The following DLG2 variants were observed in gnomAD, a reference collection of about 807,000 sequenced individuals.
DLG2 encodes the protein disks large homolog 2.
In DLG2, 45 loss-of-function variants were observed where a neutral mutation model predicts 132.5. The ratio of observed to expected loss-of-function variants is 0.34; its 90% confidence interval spans 0.27 to 0.44. The LOEUF (loss-of-function observed/expected upper bound fraction) is 0.44, where lower values mean the gene tolerates loss of function less well. Among genes scored for constraint, DLG2 ranks in the 20% least tolerant of loss-of-function variants. The pLI, the probability that DLG2 is intolerant of heterozygous loss-of-function variation, is 1.00. For missense variants in DLG2, 1,045 were observed against 1,196.9 expected (o/e 0.87, Z 1.87); for synonymous variants, 424 against 419.6 (o/e 1.01, Z -0.13).
intron 7 of DLG2, among the ~76,000 whole-genome samples, chr11:84,461,469 A>T (rs1418075850): frequency 6.6e-6 from 1 of 151,058 alleles, no homozygotes; most frequent in African/African-American, 2.4e-5. Flanking sequence ...TCTTTTTAAA[A>T]ATTTATTTTA....
chr11:83,489,566 T>G (rs2093722917), intron 21 of DLG2, among the ~76,000 whole-genome samples: 1 of 151,988 alleles, frequency 6.6e-6, no homozygotes, highest in South Asian at 2.1e-4. Context: ...TACTGGATAC[T>G]TGTTGATCCA....
At chr11:84,729,832 T>C (rs1002973993) in intron 6 of DLG2, among the ~76,000 whole-genome samples, 8 of 152,004 alleles carry the variant, frequency 5.3e-5, no homozygotes, top group Admixed American at 5.3e-4. Flanking sequence ...ATTGTGAAGA[T>C]CTTTGAGTCC....
chr11:83,843,779 T>G (rs1469981226), intron 16 of DLG2, among the ~76,000 whole-genome samples: 1 of 152,052 alleles, frequency 6.6e-6, no homozygotes, highest in East Asian at 1.9e-4. Context: ...GATAAGACAA[T>G]GAACTAAAGG....
chr11:83,826,309 C>G lies in DLG2; in HGVS notation c.1722+7305G>C, dbSNP rs1160560911. ...CAGCCTGGCTAGTGGGGCTCTGAAG[C>G]CAAGGCTGAGCAAGAGTGACTCCCC... On this transcript the variant is annotated intron_variant, in intron 17 of 27. Coordinates refer to ENST00000376104, the MANE Select transcript of DLG2 (RefSeq NM_001142699.3). Among the ~76,000 whole-genome samples, 5 of 152,166 alleles carry G rather than the reference C, an allele frequency of 3.3e-5. No homozygotes were observed. In the East Asian group the frequency reaches 9.6e-4, roughly 29 times the overall value.
chr11:84,109,977 T>C (rs2093243316), intron 9 of DLG2, among the ~76,000 whole-genome samples: 1 of 152,186 alleles, frequency 6.6e-6, no homozygotes, highest in African/African-American at 2.4e-5. Flanking sequence ...TCCATCCAGC[T>C]CCTCTCGACT....
At chr11:84,448,530 A>T (rs577143253) in intron 7 of DLG2, among the ~76,000 whole-genome samples, 1 of 152,004 alleles carries the variant, frequency 6.6e-6, no homozygotes, top group African/African-American at 2.4e-5. Flanking sequence ...ACCTTTGAAC[A>T]TGCTGTTTCT....
At chr11:84,840,002 A>C (rs1005301155) in intron 6 of DLG2, among the ~76,000 whole-genome samples, 36 of 152,322 alleles carry the variant, frequency 2.4e-4, no homozygotes, top group Admixed American at 4.6e-4. Context: ...GATCCAATTA[A>C]ACTAGAGAGC....
At chr11:84,275,700 G>A (rs1189560098) in intron 7 of DLG2, among the ~76,000 whole-genome samples, 1 of 152,166 alleles carries the variant, frequency 6.6e-6, no homozygotes, top group Non-Finnish European at 1.5e-5. Flanking sequence ...TACATCAGAT[G>A]TTGCCTCTAC....
intron 6 of DLG2, among the ~76,000 whole-genome samples, chr11:84,976,490 T>C (rs636745): frequency 0.16 from 24,084 of 152,084 alleles, 2,100 homozygotes; most frequent in East Asian, 0.28. Flanking sequence ...TGTGTATATA[T>C]AATTAGATAC....
intron 16 of DLG2, among the ~76,000 whole-genome samples, chr11:83,844,688 G>A (rs1378733006): frequency 6.6e-6 from 1 of 151,896 alleles, no homozygotes; most frequent in African/African-American, 2.4e-5. Flanking sequence ...CTGAGTCGTA[G>A]AAGAAAGATC....
intron 16 of DLG2, among the ~76,000 whole-genome samples, chr11:83,848,557 A>G (rs1595381599): frequency 6.6e-6 from 1 of 152,086 alleles, no homozygotes; most frequent in South Asian, 2.1e-4. Flanking sequence ...TCTACTGCTC[A>G]TCTAGTACTT....
At chr11:83,945,245 C>A (rs11233835) in intron 14 of DLG2, among the ~76,000 whole-genome samples, 11,620 of 152,220 alleles carry the variant, frequency 0.076, 604 homozygotes, top group Non-Finnish European at 0.12. Context: ...CATTGCGCTA[C>A]AGTCTGGGCA....
rs2060645659 is a variant in DLG2 at position 84,713,281 on chromosome 11, C to G, written c.358-178550G>C. 2.0e-5 allele frequency among the ~76,000 whole-genome samples: 3 copies of G among 152,188 alleles called. No homozygotes were observed. In the South Asian group the frequency reaches 6.2e-4, roughly 32 times the overall value. On this transcript the variant is annotated intron_variant, in intron 6 of 27. Coordinates refer to ENST00000376104, the MANE Select transcript of DLG2 (RefSeq NM_001142699.3). Reference sequence around the variant, plus strand: ...GAGTGATATGACTTTGGGCAAATTACTTAAACCACCTGCACCCCAATTTCT... The same window carrying G: ...GAGTGATATGACTTTGGGCAAATTAGTTAAACCACCTGCACCCCAATTTCT...
At chr11:84,707,666 T>TTCTGCCCTTATGATCTG (rs1341277763) in intron 6 of DLG2, among the ~76,000 whole-genome samples, 17 of 151,842 alleles carry the variant, frequency 1.1e-4, no homozygotes, top group Non-Finnish European at 2.1e-4. Context: ...TCAGCTCTAC[T>TTCTGCCCTTATGATCTG]TCTGCCCTTA....
At chr11:84,520,296 T>G (rs1283553459) in intron 7 of DLG2, among the ~76,000 whole-genome samples, 1 of 152,216 alleles carries the variant, frequency 6.6e-6, no homozygotes, top group Non-Finnish European at 1.5e-5. Context: ...GCTGAGTCTA[T>G]TCTCCAAGGA....
At chr11:85,036,041 T>A (rs1370562803) in intron 6 of DLG2, among the ~76,000 whole-genome samples, 1 of 152,246 alleles carries the variant, frequency 6.6e-6, no homozygotes, top group African/African-American at 2.4e-5. Context: ...TCTGTCATTT[T>A]CTATTTGTAT....
chr11:85,102,858 C>A (rs1158428074), intron 6 of DLG2, among the ~76,000 whole-genome samples: 4 of 151,938 alleles, frequency 2.6e-5, no homozygotes, highest in South Asian at 4.1e-4. Flanking sequence ...ATCACATAGT[C>A]TCGTACAGTA....
At chr11:84,720,205 C>A in intron 6 of DLG2, 8 of 942,082 alleles carry the variant, frequency 8.5e-6, no homozygotes, top group Non-Finnish European at 1.0e-5. Flanking sequence ...TGTCACTCTC[C>A]CAACAGGCAG....
chr11:85,417,877 CA>C (rs2089994949), intron 3 of DLG2, among the ~76,000 whole-genome samples: 1 of 151,170 alleles, frequency 6.6e-6, no homozygotes, highest in African/African-American at 2.4e-5. Context: ...TTTTGTTGAA[CA>C]AAAAAACAGC....
Sources: gnomAD v4.1 joint callset for allele counts (sites outside exome capture counted in the v4.1 genomes callset) on GRCh38, gnomAD v4.1.1 for gene constraint, MANE v1.5 for transcripts, NCBI Gene and HGNC (gene_info 2026-07-23, HGNC 2026-07-21) for gene names.